The following MICAL1 variants were observed in gnomAD, a reference collection of about 807,000 sequenced individuals.
MICAL1 encodes the protein microtubule associated monooxygenase, calponin and LIM domain containing 1, also known as [F-actin]-monooxygenase MICAL1.
In MICAL1, 95 loss-of-function variants were observed where a neutral mutation model predicts 131.8. The observed-to-expected ratio is 0.72, with a 90% confidence interval of 0.61 to 0.86. MICAL1 has a LOEUF of 0.86. Among genes scored for constraint, MICAL1 ranks in the 40% least tolerant of loss-of-function variants. The probability of loss-of-function intolerance (pLI) is 0.00; values close to 1 mark genes in which losing one functional copy is unlikely to be tolerated. For missense variants in MICAL1, 1,292 were observed against 1,380.6 expected (o/e 0.94, Z 1.02); for synonymous variants, 546 against 554.2 (o/e 0.99, Z 0.21).
chr6:109,444,742 C>T lies in MICAL1; in HGVS notation c.3038G>A (p.Gly1013Asp), dbSNP rs762129754. 7 of 1,614,110 alleles carry T rather than the reference C, an allele frequency of 4.3e-6. No individual in the cohort carries two copies. The highest frequency in any genetic ancestry group is 5.9e-6 in the Non-Finnish European group (7 of 1,180,030). Residue 1013 changes from glycine (G) to aspartate (D), a missense_variant, in exon 24 of 25, where the codon GGC becomes GAC. By Grantham distance (94) the Gly-to-Asp change is moderately conservative. Transcript: ENST00000358807. ...TCACCTACCTTCCCGGTTCATGTAG[C>T]CTCGTAGCTCCTGGTCCAGCTGCCA... Reference protein sequence around the residue: ...KQWQLDQELRGYMNREENLKT... With the variant: ...KQWQLDQELRDYMNREENLKT...
At chr6:109,445,368 T>A in intron 21 of MICAL1, 48 bp downstream of exon 21, 1 of 1,612,606 alleles carries the variant, frequency 6.2e-7, no homozygotes, top group East Asian at 2.2e-5. Context: ...CTGATCTCAG[T>A]CTCAGAACTT....
intron 13 of MICAL1, 54 bp downstream of exon 13, chr6:109,448,149 A>G (rs1775329093): frequency 1.3e-6 from 2 of 1,560,430 alleles, no homozygotes; most frequent in African/African-American, 1.4e-5. Context: ...ACACACACAC[A>G]CACACACACA....
At chr6:109,463,931 A>G (rs1775971025) in intron 1 of MICAL1, 1 of 152,192 alleles carries the variant, frequency 6.6e-6, no homozygotes, top group Admixed American at 6.6e-5. Context: ...ACTGTTATAG[A>G]GCCAGTGAAA....
intron 4 of MICAL1, 146 bp from the exon 5 acceptor site, chr6:109,452,761 C>T: frequency 1.6e-6 from 1 of 623,886 alleles, no homozygotes; most frequent in Non-Finnish European, 2.7e-6. Flanking sequence ...ATTACACCTT[C>T]ACAGCAGCTA....
rs931030725 is a variant in MICAL1 at position 109,455,675 on chromosome 6, C to T, written c.-44+44G>A. The T allele has an allele frequency of 5.1e-6, 5 of 984,792 alleles. No individual in the cohort carries two copies. The South Asian group carries it at 1.4e-4, about 28-fold the overall frequency. The allele number at this position is 984,792 out of a possible 1,614,324, so 61.0% of individuals were successfully genotyped here. A position where few individuals can be genotyped will look rare whatever the true frequency, so the allele number is the denominator to read the frequency against. ...CCCGGAAGCGCACCCCACCTCACCC[C>T]ACCCGGCCGCGGGGCTCGCAGCCGG... is the stretch of plus-strand genomic sequence containing the variant. On this transcript the variant is annotated intron_variant, in intron 1 of 24. Coordinates refer to ENST00000358807, the MANE Select transcript of MICAL1 (RefSeq NM_022765.4). This position sits in a 1 kb window ranked among gnomAD's most constrained non-coding sequence, Gnocchi z 4.7.
In MICAL1 at chr6:109,444,215, G is replaced by C. The variant is rs774482660; in HGVS notation, c.3180C>G (p.Ala1060=). 8 of 1,613,306 alleles carry C rather than the reference G, an allele frequency of 5.0e-6. No individual in the cohort carries two copies. The highest frequency in any genetic ancestry group is 6.8e-6 in the Non-Finnish European group (8 of 1,180,022). Residue 1060 remains alanine (A), a synonymous_variant, in exon 25 of 25, where the codon GCC becomes GCG. Transcript: ENST00000358807. ...FQEERRLSEL[A]LGTGAQG ...TCTAGCCCTGGGCCCCTGTCCCCAA[G>C]GCCAGCTCGCTGAGCCTGCGCTCCT...
upstream of MICAL1, chr6:109,456,089 G>A: frequency 2.2e-6 from 2 of 928,004 alleles, no homozygotes; most frequent in South Asian, 1.0e-4. Context: ...GGGCTGAGGA[G>A]CTCGAGGGTC....
At chr6:109,448,918 G>A (rs1345812744) in intron 11 of MICAL1, 39 bp from the exon 12 acceptor site, 1 of 1,608,470 alleles carries the variant, frequency 6.2e-7, no homozygotes, top group Non-Finnish European at 8.5e-7. Flanking sequence ...GGCCCCCTCT[G>A]CCCATCCCAG....
chr6:109,449,551 G>A, intron 10 of MICAL1, 70 bp from the exon 11 acceptor site: 1 of 1,605,812 alleles, frequency 6.2e-7, no homozygotes, highest in South Asian at 1.1e-5. Flanking sequence ...GTAAGGGCCT[G>A]CCGGGGGTAG....
chr6:109,454,631 G>A, intron 1 of MICAL1: 1 of 231,308 alleles, frequency 4.3e-6, no homozygotes, highest in East Asian at 1.1e-4. Context: ...GCCTTTGCAT[G>A]CAACACAGGG....
At position 109,454,064 on chromosome 6, in the gene MICAL1, G is replaced by GC. The variant is rs922604988; in HGVS notation, c.132dup (p.Leu45AlafsTer97). On this transcript the variant is annotated frameshift_variant, in exon 2 of 25. Transcript: ENST00000358807. LOFTEE classifies it high-confidence loss of function. ...TCCTTGATCTTGTGGTACTGGGGCAGCCCCCCACCGGGTTCCAGCCCCAGG... is the reference window on the plus strand; with the variant it reads ...TCCTTGATCTTGTGGTACTGGGGCAGCCCCCCCACCGGGTTCCAGCCCCAGG... The GC allele has an allele frequency of 3.1e-6, 5 of 1,613,950 alleles. No homozygotes were observed. The African/African-American group carries it at 4.0e-5, about 13-fold the overall frequency.
Position 109,450,509 on chromosome 6 carries a change from C to T in MICAL1, c.982G>A (p.Glu328Lys), listed in dbSNP as rs756783849. The T allele has an allele frequency of 6.8e-6, 11 of 1,612,720 alleles. No individual in the cohort carries two copies. Among genetic ancestry groups the T allele is most frequent in the Non-Finnish European group, 7.6e-6 (9 of 1,179,736 alleles). The change falls in exon 8 of 25, where the codon GAG becomes AAG. Residue 328 changes from glutamate to lysine, a missense_variant. Coordinates refer to ENST00000358807, the MANE Select transcript of MICAL1 (RefSeq NM_022765.4). ...RLLGSANVVP[E>K]ALQRFTRAAA... Reference sequence around the variant, plus strand: ...GCCCGGGTAAAGCGCTGCAGAGCCTCGGGCACCACATTGGCACTGCCCAGC... The same window carrying T: ...GCCCGGGTAAAGCGCTGCAGAGCCTTGGGCACCACATTGGCACTGCCCAGC...
intron 12 of MICAL1, 158 bp downstream of exon 12, chr6:109,448,574 G>T: frequency 7.7e-7 from 1 of 1,299,392 alleles, no homozygotes; most frequent in Non-Finnish European, 1.1e-6. Context: ...GGCTTTGGGG[G>T]CCTGTGCCAT....
In MICAL1 at chr6:109,446,307, GAC is replaced by G; in HGVS notation, c.2408_2409del (p.Arg803ProfsTer17). 2 of 1,614,176 alleles carry G rather than the reference GAC, an allele frequency of 1.2e-6. No individual in the cohort carries two copies. The highest frequency in any genetic ancestry group is 1.7e-6 in the Non-Finnish European group (2 of 1,180,026). ...GPVPDPSQPT[R>X]RQIRLSSPER... ...TCCGGGCTGGAGAGGCGGATCTGCC[GAC>G]GGGTGGGCTGGCTGGGATCTGGAAC... On this transcript the variant is annotated frameshift_variant, in exon 19 of 25. Coordinates refer to ENST00000358807, the MANE Select transcript of MICAL1 (RefSeq NM_022765.4). LOFTEE classifies it high-confidence loss of function.
intron 2 of MICAL1, 29 bp from the exon 3 acceptor site, chr6:109,453,874 G>A: frequency 6.2e-7 from 1 of 1,611,002 alleles, no homozygotes; most frequent in South Asian, 1.1e-5. Context: ...GTGAGGGCAT[G>A]GCATCCTGTC....
intron 3 of MICAL1, 62 bp from the exon 4 acceptor site, chr6:109,453,429 G>C (rs1775619858): frequency 6.4e-7 from 1 of 1,567,370 alleles, no homozygotes; most frequent in Non-Finnish European, 8.7e-7. Flanking sequence ...CCATGTACCA[G>C]TGTGTGCCTG....
At chr6:109,447,614 G>C in intron 15 of MICAL1, 67 bp downstream of exon 15, 1 of 1,608,542 alleles carries the variant, frequency 6.2e-7, no homozygotes, top group Non-Finnish European at 8.5e-7. Context: ...GAGAAATAGG[G>C]AAGACAGTAC....
At position 109,449,468 on chromosome 6, in the gene MICAL1, T is replaced by G. The variant is rs148893072; in HGVS notation, c.1448A>C (p.Tyr483Ser). The G allele has an allele frequency of 1.7e-4, 276 of 1,614,078 alleles. No individual in the cohort carries two copies. Among genetic ancestry groups the G allele is most frequent in the Non-Finnish European group, 2.2e-4 (255 of 1,180,046 alleles). The change falls in exon 11 of 25, where the codon TAT becomes TCT. Residue 483 changes from tyrosine to serine, a missense_variant. Transcript: ENST00000358807. Reference protein sequence around the residue: ...AVTPNQVRDLYDVLAKEPVQR... With the variant: ...AVTPNQVRDLSDVLAKEPVQR... The stretch of plus-strand genomic sequence containing the variant: ...CACAGGCTCCTTGGCTAGCACATCA[T>G]ACAGGTCTCGTACCTAAGGCAGCCC...
intron 1 of MICAL1, chr6:109,464,821 TAGG>T (rs1217291302): frequency 1.3e-5 from 2 of 152,102 alleles, no homozygotes; most frequent in African/African-American, 2.4e-5. Context: ...AAGGAAAGAT[TAGG>T]AGAAGATATT....
Sources: gnomAD v4.1 joint callset for allele counts on GRCh38, gnomAD v4.1.1 for gene constraint, Gnocchi (gnomAD v3.1) non-coding constraint, MANE v1.5 for transcripts, NCBI Gene and HGNC (gene_info 2026-07-23, HGNC 2026-07-21) for gene names.